Variants in ATRNL1 observed in about 807,000 individuals in gnomAD.
ATRNL1 encodes the protein attractin like 1, also known as attractin-like protein 1.
ATRNL1 carries 95 observed loss-of-function variants against 182.7 expected under a neutral mutation model. The ratio of observed to expected loss-of-function variants is 0.52; its 90% CI spans 0.44 to 0.62. The LOEUF (loss-of-function observed/expected upper bound fraction) is 0.62, where lower values mean the gene tolerates loss of function less well. ATRNL1 is among the 20% of genes least tolerant of loss of function. ATRNL1 has a pLI of 0.00. For missense variants in ATRNL1, 1,471 were observed against 1,679.5 expected (o/e 0.88, Z 2.17); for synonymous variants, 576 against 568.3 (o/e 1.01, Z -0.19).
At chr10:115,585,314 C>T (rs1855446117) in intron 26 of ATRNL1, among the ~76,000 whole-genome samples, 1 of 96,162 alleles carries the variant, frequency 1.0e-5, no homozygotes, top group Admixed American at 1.1e-4. Flanking sequence ...TGTTGACTTT[C>T]TGTCTCGTTG....
At chr10:115,279,359 A>G (rs1449804481) in intron 13 of ATRNL1, among the ~76,000 whole-genome samples, 1 of 152,126 alleles carries the variant, frequency 6.6e-6, no homozygotes, top group Admixed American at 6.5e-5. Context: ...AAAATCAAAT[A>G]TATCAACAAC....
At chr10:115,343,711 T>C (rs1185647936) in intron 19 of ATRNL1, among the ~76,000 whole-genome samples, 3 of 152,154 alleles carry the variant, frequency 2.0e-5, no homozygotes, top group Non-Finnish European at 4.4e-5. Context: ...TATCTGGGCA[T>C]TGATCAGTTA....
At position 115,801,942 on chromosome 10, in the gene ATRNL1, T is replaced by C. The variant is rs535065775; in HGVS notation, c.3904-45935T>C. ...AATTATTATGTAGTGTCTTAACCAA[T>C]GTTAAGACATTAGTGTCAGCATTAC... On this transcript the variant is annotated intron_variant, in intron 27 of 28. Transcript: ENST00000355044. Among the ~76,000 whole-genome samples, 14 of 151,448 alleles carry C rather than the reference T, an allele frequency of 9.2e-5. No homozygotes were observed. In the South Asian group the frequency reaches 2.9e-3, roughly 32 times the overall value.
chr10:115,377,275 T>G (rs1027639337), intron 19 of ATRNL1, among the ~76,000 whole-genome samples: 1 of 152,162 alleles, frequency 6.6e-6, no homozygotes, highest in Non-Finnish European at 1.5e-5. Context: ...TGGTAGTGAA[T>G]AAGTCTCACG....
chr10:115,576,463 A>G (rs1051804345), intron 26 of ATRNL1, among the ~76,000 whole-genome samples: 1 of 151,808 alleles, frequency 6.6e-6, no homozygotes, highest in South Asian at 2.1e-4. Context: ...TATGGTTTTG[A>G]TTTGCATTTC....
intron 13 of ATRNL1, among the ~76,000 whole-genome samples, chr10:115,274,757 T>C (rs1554914370): frequency 6.6e-6 from 1 of 152,200 alleles, no homozygotes; most frequent in African/African-American, 2.4e-5. Flanking sequence ...AACAAACTGC[T>C]TCTGGTGATC....
chr10:115,804,330 GTA>G (rs542100734), intron 27 of ATRNL1, among the ~76,000 whole-genome samples: 106 of 152,214 alleles, frequency 7.0e-4, no homozygotes, highest in African/African-American at 2.3e-3. Context: ...CCTTTACAGT[GTA>G]TATGTTGAAA....
Position 115,533,581 on chromosome 10 carries a change from G to A in ATRNL1, c.3716+14257G>A, listed in dbSNP as rs367801651. 7.1e-4 allele frequency among the ~76,000 whole-genome samples: 108 copies of A among 151,898 alleles called. 1 individual carries two copies. In the East Asian group the frequency reaches 0.014, roughly 20 times the overall value. The stretch of plus-strand genomic sequence containing the variant: ...CCTGGATTCATTAATTTTTTGAAGG[G>A]TTTTTTTGTGTCTCTATTTCCTTCA... On this transcript the variant is annotated intron_variant, in intron 25 of 28. Coordinates refer to ENST00000355044, the MANE Select transcript of ATRNL1 (RefSeq NM_207303.4).
intron 26 of ATRNL1, among the ~76,000 whole-genome samples, chr10:115,598,487 C>T (rs1555014917): frequency 6.6e-6 from 1 of 151,530 alleles, no homozygotes. Context: ...CCTCAGCCTC[C>T]TGAGTAGCCA....
chr10:115,140,353 A>G (rs1845707496), intron 5 of ATRNL1, among the ~76,000 whole-genome samples: 1 of 152,190 alleles, frequency 6.6e-6, no homozygotes, highest in African/African-American at 2.4e-5. Context: ...AAAAAATTCA[A>G]ATAATATATT....
intron 26 of ATRNL1, among the ~76,000 whole-genome samples, chr10:115,554,079 A>G (rs1853168508): frequency 6.6e-6 from 1 of 151,614 alleles, no homozygotes; most frequent in Admixed American, 6.6e-5. Context: ...ATAGCACTTC[A>G]AAGTTCTGTA....
chr10:115,550,584 A>G (rs1353832789), intron 26 of ATRNL1, among the ~76,000 whole-genome samples: 1 of 151,696 alleles, frequency 6.6e-6, no homozygotes, highest in Non-Finnish European at 1.5e-5. Context: ...TGCCTCTCTG[A>G]TTTTCTGTTT....
At chr10:115,532,152 C>A (rs1851633119) in intron 25 of ATRNL1, among the ~76,000 whole-genome samples, 1 of 151,916 alleles carries the variant, frequency 6.6e-6, no homozygotes, top group African/African-American at 2.4e-5. Flanking sequence ...GTAGTTTTTT[C>A]CAATTCTGTG....
At chr10:115,907,405 A>G (rs1555114815) in intron 28 of ATRNL1, among the ~76,000 whole-genome samples, 2 of 152,242 alleles carry the variant, frequency 1.3e-5, no homozygotes. Context: ...TTCGTCTCAC[A>G]GGACTACTTT....
At chr10:115,587,299 C>T (rs1855585825) in intron 26 of ATRNL1, among the ~76,000 whole-genome samples, 1 of 152,096 alleles carries the variant, frequency 6.6e-6, no homozygotes, top group Non-Finnish European at 1.5e-5. Flanking sequence ...AGTTGGAGCT[C>T]CCTGGCTGCT....
chr10:115,483,066 C>T (rs1554974495), intron 24 of ATRNL1, among the ~76,000 whole-genome samples: 2 of 151,096 alleles, frequency 1.3e-5, no homozygotes, highest in African/African-American at 4.8e-5. Flanking sequence ...ACATTTTGGT[C>T]CTATCAAATT....
At chr10:115,476,824 T>C (rs1315261746) in intron 24 of ATRNL1, among the ~76,000 whole-genome samples, 1 of 151,430 alleles carries the variant, frequency 6.6e-6, no homozygotes, top group Non-Finnish European at 1.5e-5. Context: ...CCCTTATACC[T>C]AACTACTAGA....
intron 9 of ATRNL1, among the ~76,000 whole-genome samples, chr10:115,233,736 GC>G (rs1412486555): frequency 2.0e-5 from 3 of 151,922 alleles, no homozygotes; most frequent in African/African-American, 7.2e-5. Context: ...GCTTGGTTTT[GC>G]CAAAGGCTGT....
At chr10:115,265,853 T>G (rs1851587336) in intron 11 of ATRNL1, among the ~76,000 whole-genome samples, 3 of 151,812 alleles carry the variant, frequency 2.0e-5, no homozygotes, top group Non-Finnish European at 4.4e-5. Flanking sequence ...CCAGTGACAG[T>G]AAACAATCTG....
Sources: allele counts gnomAD v4.1 joint callset (sites outside exome capture counted in the v4.1 genomes callset), GRCh38; gene constraint gnomAD v4.1.1; transcripts MANE v1.5; gene names NCBI Gene and HGNC (gene_info 2026-07-23, HGNC 2026-07-21).